Variants in TENM2 observed in about 807,000 individuals in gnomAD.
The protein encoded by TENM2 is teneurin transmembrane protein 2.
A neutral mutation model predicts 245.2 loss-of-function variants in TENM2; 52 were observed. The ratio of observed to expected loss-of-function variants is 0.21; its 90% CI spans 0.17 to 0.27. The LOEUF (loss-of-function observed/expected upper bound fraction) is 0.27, where lower values mean the gene tolerates loss of function less well. Among genes scored for constraint, TENM2 ranks in the 10% least tolerant of loss-of-function variants. The pLI is 1.00. For missense variants in TENM2, 3,046 were observed against 3,666.8 expected, an observed-to-expected ratio of 0.83 and a Z score of 4.37; for synonymous variants, 1,363 against 1,438.9, an observed-to-expected ratio of 0.95 and a Z score of 1.19.
intron 10 of TENM2, 90 bp downstream of exon 12, chr5:168,118,576 T>C: frequency 1.9e-6 from 2 of 1,028,170 alleles, no homozygotes; most frequent in Non-Finnish European, 2.7e-6. Context: ...CTGGGCTGCG[T>C]GTTTTGCAAG....
chr5:167,616,075 G>T (rs952919015), intron 2 of TENM2, among the ~76,000 whole-genome samples: 1 of 152,070 alleles, frequency 6.6e-6, no homozygotes, highest in Non-Finnish European at 1.5e-5. Flanking sequence ...TAATAACACC[G>T]TTGCTGTTTT....
chr5:167,038,283 C>A, the TENM2 span, among the ~76,000 whole-genome samples: 1 of 152,158 alleles, frequency 6.6e-6, no homozygotes, highest in African/African-American at 2.4e-5. Context: ...TCTTTTGTAA[C>A]CTATATCTGT....
At chr5:167,001,524 G>A in the TENM2 span, among the ~76,000 whole-genome samples, 1 of 150,142 alleles carries the variant, frequency 6.7e-6, no homozygotes, top group East Asian at 2.0e-4. Context: ...CAGTGTCTGA[G>A]ATCTATCCAA....
At chr5:167,142,698 G>A in the TENM2 span, among the ~76,000 whole-genome samples, 2 of 151,962 alleles carry the variant, frequency 1.3e-5, no homozygotes, top group East Asian at 1.9e-4. Flanking sequence ...TTACAGGCAC[G>A]CACCACTATG....
chr5:167,514,493 C>G (rs1254072169), intron 2 of TENM2, among the ~76,000 whole-genome samples: 3 of 152,196 alleles, frequency 2.0e-5, no homozygotes, highest in Non-Finnish European at 2.9e-5. Context: ...TGGTTCGAAA[C>G]TTGGTTAGAA....
At chr5:167,971,416 C>T (rs1236817518) in intron 4 of TENM2, among the ~76,000 whole-genome samples, 1 of 152,058 alleles carries the variant, frequency 6.6e-6, no homozygotes, top group African/African-American at 2.4e-5. Context: ...AACAACTGAG[C>T]CCAGCTGGAC....
chr5:167,868,830 T>C (rs550373671), intron 2 of TENM2, among the ~76,000 whole-genome samples: 1 of 152,198 alleles, frequency 6.6e-6, no homozygotes, highest in African/African-American at 2.4e-5. Flanking sequence ...TCCCTACCTA[T>C]GGTACAGTCA....
chr5:167,462,450 G>T (rs1490407392), intron 2 of TENM2, among the ~76,000 whole-genome samples: 1 of 152,094 alleles, frequency 6.6e-6, no homozygotes, highest in Non-Finnish European at 1.5e-5. Context: ...TTGGTACTTG[G>T]GTTCTTGTCC....
the TENM2 span, among the ~76,000 whole-genome samples, chr5:167,093,145 G>A: frequency 6.6e-6 from 1 of 151,268 alleles, no homozygotes; most frequent in Non-Finnish European, 1.5e-5. Context: ...ATTCATTTGG[G>A]GGAGGAAAAA....
At chr5:167,864,885 A>G (rs1239764814) in intron 2 of TENM2, among the ~76,000 whole-genome samples, 1 of 152,216 alleles carries the variant, frequency 6.6e-6, no homozygotes, top group Non-Finnish European at 1.5e-5. Flanking sequence ...AATTGGCAAT[A>G]TTATTGTTTC....
At chr5:167,743,598 C>T (rs943054172) in intron 2 of TENM2, among the ~76,000 whole-genome samples, 4 of 152,106 alleles carry the variant, frequency 2.6e-5, no homozygotes, top group African/African-American at 9.7e-5. Context: ...AAACACGGCT[C>T]AGCCTCATCA....
At chr5:167,584,369 G>A (rs1163585233) in intron 2 of TENM2, among the ~76,000 whole-genome samples, 1 of 152,198 alleles carries the variant, frequency 6.6e-6, no homozygotes, top group African/African-American at 2.4e-5. Context: ...CCAACAACCA[G>A]TCTGATTGGT....
At chr5:167,934,848 A>G (rs1778571019) in intron 3 of TENM2, 44 of 985,414 alleles carry the variant, frequency 4.5e-5, no homozygotes, top group Non-Finnish European at 5.1e-5. Context: ...AGACCAGTGC[A>G]ACGGAGGAGG....
At chr5:167,486,784 G>A (rs187719237) in intron 2 of TENM2, among the ~76,000 whole-genome samples, 96 of 152,174 alleles carry the variant, frequency 6.3e-4, no homozygotes, top group African/African-American at 2.2e-3. Context: ...ACAGATTGGA[G>A]GTGACAACCC....
intron 2 of TENM2, among the ~76,000 whole-genome samples, chr5:167,624,840 T>A (rs1484794995): frequency 2.0e-5 from 3 of 152,168 alleles, no homozygotes; most frequent in Non-Finnish European, 4.4e-5. Flanking sequence ...TAATCTATAA[T>A]ATGTTTAGTA....
At chr5:167,625,678 T>G (rs1700771732) in intron 2 of TENM2, among the ~76,000 whole-genome samples, 1 of 152,174 alleles carries the variant, frequency 6.6e-6, no homozygotes, top group Non-Finnish European at 1.5e-5. Context: ...ACAATAAACA[T>G]TTAATAATTC....
intron 2 of TENM2, chr5:167,755,276 C>A: frequency 1.0e-6 from 1 of 996,918 alleles, no homozygotes; most frequent in Non-Finnish European, 1.5e-6. Flanking sequence ...TTACTTTAAC[C>A]CTTCAGCGGA....
chr5:167,416,007 T>G (rs759948083), intron 2 of TENM2, among the ~76,000 whole-genome samples: 4 of 152,172 alleles, frequency 2.6e-5, no homozygotes, highest in African/African-American at 4.8e-5. Flanking sequence ...CATATGCACT[T>G]AGCCATGCAA....
chr5:168,080,016 TC>T (rs762501250), intron 7 of TENM2, among the ~76,000 whole-genome samples: 17 of 152,234 alleles, frequency 1.1e-4, no homozygotes, highest in Non-Finnish European at 2.5e-4. Flanking sequence ...CACCAGCTCC[TC>T]TTTGTACCTC....
Sources: allele counts gnomAD v4.1 joint callset (sites outside exome capture counted in the v4.1 genomes callset), GRCh38; gene constraint gnomAD v4.1.1; transcripts MANE v1.5; gene names NCBI Gene and HGNC (gene_info 2026-07-23, HGNC 2026-07-21).